The following SPATA31A6 variants were observed in gnomAD, a reference collection of about 807,000 sequenced individuals.
The protein encoded by SPATA31A6 is spermatogenesis-associated protein 31A6.
In SPATA31A6, 9 loss-of-function variants were observed where a neutral mutation model predicts 11.9. The ratio of observed to expected loss-of-function variants is 0.76; its 90% CI spans 0.46 to 1.32. The LOEUF is 1.32. Among genes scored for constraint, SPATA31A6 ranks in the 40% most tolerant of loss-of-function variants. The pLI, the probability that SPATA31A6 is intolerant of heterozygous loss-of-function variation, is 0.00. For missense variants in SPATA31A6, 855 were observed against 1,467.3 expected (o/e 0.58, Z 6.82); for synonymous variants, 314 against 572.1 (o/e 0.55, Z 6.44).
Position 42,186,436 on chromosome 9 carries a change from T to C in SPATA31A6, c.734T>C (p.Leu245Pro), listed in dbSNP as rs1292613126. Residue 245 changes from leucine (L) to proline (P), a missense_variant, in exon 4 of 4, where the codon CTT becomes CCT. Physicochemically the swap from Leu to Pro is moderately conservative, Grantham distance 98. Coordinates refer to ENST00000332857, the MANE Select transcript of SPATA31A6 (RefSeq NM_001145196.1). ...CCATCTCACTGTGACTCAGTGGCAC[T>C]TCCACTGGGCACCGTCCCTCAAAGC... ...ITPSHCDSVA[L>P]PLGTVPQSLS... The C allele has an allele frequency of 2.7e-6, 4 of 1,479,396 alleles. No individual in the cohort carries two copies. The East Asian group carries it at 7.2e-5, about 27-fold the overall frequency. The allele number at this position is 1,479,396 out of a possible 1,614,324, so 91.6% of individuals were successfully genotyped here.
At chr9:42,185,454 C>A in intron 2 of SPATA31A6, 1 of 674,380 alleles carries the variant, frequency 1.5e-6, no homozygotes, top group Non-Finnish European at 2.5e-6. Context: ...GTCCTTTCTC[C>A]CCACAGGGCA....
At chr9:42,183,947 C>A in intron 1 of SPATA31A6, 71 bp downstream of exon 1, 1 of 1,518,290 alleles carries the variant, frequency 6.6e-7, no homozygotes, top group Non-Finnish European at 8.8e-7. Flanking sequence ...TTCCACTTTT[C>A]CAAATCCAGT....
rs1829459121 is a variant in SPATA31A6, at chr9:42,186,688, G to T, written c.986G>T (p.Gly329Val). 1 of 1,531,168 alleles carries T rather than the reference G, an allele frequency of 6.5e-7. No homozygotes were observed. The highest frequency in any genetic ancestry group is 2.4e-5 in the East Asian group (1 of 42,114). The allele number at this position is 1,531,168 out of a possible 1,614,324, so 94.8% of individuals were successfully genotyped here. The change falls in exon 4 of 4, where the codon GGG becomes GTG. Residue 329 changes from glycine (G) to valine (V), a missense_variant. Physicochemically the swap from Gly to Val is moderately radical, Grantham distance 109. Transcript: ENST00000332857. ...LLSSDGQNVV[G>V]IQVTETAKVN... ...AGCTCTGATGGCCAGAATGTCGTGG[G>T]GATACAAGTCACAGAAACAGCCAAG...
intron 1 of SPATA31A6, among the ~76,000 whole-genome samples, chr9:42,184,439 C>CTGTGTG (rs71364261): frequency 0.015 from 1,553 of 102,036 alleles, 152 homozygotes; most frequent in African/African-American, 0.047. Context: ...GAAAATCCCT[C>CTGTGTG]TGTGTGTGTG....
In SPATA31A6 at chr9:42,189,570, G is replaced by A; in HGVS notation, c.3868G>A (p.Val1290Met). 6.4e-7 allele frequency: 1 copy of A among 1,553,250 alleles called. No individual in the cohort carries two copies. Among genetic ancestry groups the A allele is most frequent in the Non-Finnish European group, 8.7e-7 (1 of 1,150,530 alleles). The change falls in exon 4 of 4, where the codon GTG becomes ATG. Residue 1290 changes from valine to methionine, a missense_variant. Transcript: ENST00000332857. Reference protein sequence around the residue: ...QIRNQQPLKSVRCNNEQWGLR... With the variant: ...QIRNQQPLKSMRCNNEQWGLR... ...CAGAAATCAACAGCCCTTGAAAAGT[G>A]TGCGGTGCAACAATGAGCAATGGGG...
Position 42,189,557 on chromosome 9 carries a change from G to T in SPATA31A6, c.3855G>T (p.Gln1285His), listed in dbSNP as rs1829533496. The part of the protein sequence containing the change: ...PNRDRQIRNQ[Q>H]PLKSVRCNNE... Reference sequence around the variant, plus strand: ...GAGACAGGCAAATCAGAAATCAACAGCCCTTGAAAAGTGTGCGGTGCAACA... The same window carrying T: ...GAGACAGGCAAATCAGAAATCAACATCCCTTGAAAAGTGTGCGGTGCAACA... The change falls in exon 4 of 4, where the codon CAG becomes CAT. Residue 1285 changes from glutamine (Q) to histidine (H), a missense_variant. Transcript: ENST00000332857. 6.5e-7 allele frequency: 1 copy of T among 1,546,716 alleles called. No individual in the cohort carries two copies.
At chr9:42,185,803 T>C (rs182116271) in intron 3 of SPATA31A6, 48 bp downstream of exon 3, 18,016 of 1,107,240 alleles carry the variant, frequency 0.016, 6,330 homozygotes, top group Non-Finnish European at 0.018. Flanking sequence ...GGCTGGGACA[T>C]GACCCAAGGG....
rs768745711 is a variant in SPATA31A6 at position 42,185,697 on chromosome 9, G to A, written c.250G>A (p.Gly84Ser). 1.4e-6 allele frequency: 2 copies of A among 1,449,010 alleles called. 1 individual carries two copies. Among genetic ancestry groups the A allele is most frequent in the Admixed American group, 3.7e-5 (2 of 54,116 alleles). 89.8% of individuals were successfully genotyped at this position (1,449,010 alleles called of 1,614,324 possible). Residue 84 changes from glycine to serine, a missense_variant and splice_region_variant, in exon 3 of 4, where the codon GGT (glycine) becomes AGT (serine). Physicochemically the swap from Gly to Ser is moderately conservative, Grantham distance 56 (BLOSUM62 0). Transcript: ENST00000332857. ...TAACCCAGTCTCCTGATTTCCAGCT[G>A]GTAGAGAGTGCCCGAGAGGCCTGGA... ...GRMKNHSLRA[G>S]RECPRGLEET...
intron 1 of SPATA31A6, among the ~76,000 whole-genome samples, chr9:42,184,151 C>G (rs541492160): frequency 7.2e-6 from 1 of 137,954 alleles, no homozygotes; most frequent in Non-Finnish European, 1.5e-5. Context: ...CAGTACCAGT[C>G]ATGAGACTGG....
In SPATA31A6 at chr9:42,186,907, G is replaced by A; in HGVS notation, c.1205G>A (p.Arg402Lys). 6.5e-7 allele frequency: 1 copy of A among 1,539,348 alleles called. No individual in the cohort carries two copies. Among genetic ancestry groups the A allele is most frequent in the Non-Finnish European group, 8.8e-7 (1 of 1,142,414 alleles). Reference sequence around the variant, plus strand: ...GGACCTCAGAAGTGCTCAGATCCTAGGCTCTTGCAGGAAAGTTTTTGGAAG... The same window carrying A: ...GGACCTCAGAAGTGCTCAGATCCTAAGCTCTTGCAGGAAAGTTTTTGGAAG... Reference protein sequence around the residue: ...LPGPQKCSDPRLLQESFWKNY... With the variant: ...LPGPQKCSDPKLLQESFWKNY... The change falls in exon 4 of 4, where the codon AGG (arginine) becomes AAG (lysine). Residue 402 changes from arginine to lysine, a missense_variant. Coordinates refer to ENST00000332857, the MANE Select transcript of SPATA31A6 (RefSeq NM_001145196.1).
At position 42,186,674 on chromosome 9, in the gene SPATA31A6, C is replaced by T. The variant is rs745863385; in HGVS notation, c.972C>T (p.Gly324=). ...AGSLFLLSSD[G]QNVVGIQVTE... is the part of the protein sequence containing the mutation. ...GCCTGTTTTTGCTCAGCTCTGATGG[C>T]CAGAATGTCGTGGGGATACAAGTCA... is the stretch of plus-strand genomic sequence containing the variant. The change falls in exon 4 of 4, where the codon GGC becomes GGT. Residue 324 remains glycine (G), a synonymous_variant. Coordinates refer to ENST00000332857, the MANE Select transcript of SPATA31A6 (RefSeq NM_001145196.1). The T allele has an allele frequency of 2.0e-5, 30 of 1,531,772 alleles. 4 individuals carry two copies. Among genetic ancestry groups the T allele is most frequent in the South Asian group, 4.6e-5 (4 of 87,376 alleles). The allele number at this position is 1,531,772 out of a possible 1,614,324, so 94.9% of individuals were successfully genotyped here.
rs1374473752 is a variant in SPATA31A6, at chr9:42,185,460, G to T, written c.248-235G>T. 3 of 696,150 alleles carry T rather than the reference G, an allele frequency of 4.3e-6. No individual in the cohort carries two copies. In the Admixed American group the frequency reaches 8.0e-5, roughly 18 times the overall value. 43.1% of individuals were successfully genotyped at this position (696,150 alleles called of 1,614,324 possible). Reference sequence around the variant, plus strand: ...ACCACCTCAGTCCTTTCTCCCCACAGGGCAGTTGTGAGGACTGTGGGGGTG... The same window carrying T: ...ACCACCTCAGTCCTTTCTCCCCACATGGCAGTTGTGAGGACTGTGGGGGTG... On this transcript the variant is annotated intron_variant, in intron 2 of 3. Coordinates refer to ENST00000332857, the MANE Select transcript of SPATA31A6 (RefSeq NM_001145196.1).
chr9:42,188,951 G>T lies in SPATA31A6; in HGVS notation c.3249G>T (p.Glu1083Asp). Residue 1083 changes from glutamate to aspartate, a missense_variant, in exon 4 of 4, where the codon GAG becomes GAT. Transcript: ENST00000332857. ...GAAGGAGCAAACTGGTGCAAGAGGA[G>T]CCCAGAAACCCAAACTGTCAAGGCT... The part of the protein sequence containing the change: ...AARRSKLVQE[E>D]PRNPNCQGSC... The T allele has an allele frequency of 6.5e-7, 1 of 1,542,436 alleles. No homozygotes were observed. The highest frequency in any genetic ancestry group is 2.4e-5 in the East Asian group (1 of 42,052).
At chr9:42,184,882 G>C in intron 1 of SPATA31A6, 187 bp from the exon 2 acceptor site, 1 of 753,982 alleles carries the variant, frequency 1.3e-6, no homozygotes, top group Non-Finnish European at 1.6e-6. Flanking sequence ...TTAAACATGA[G>C]TGGGAGGAAG....
At position 42,187,259 on chromosome 9, in the gene SPATA31A6, A is replaced by G; in HGVS notation, c.1557A>G (p.Val519=). Residue 519 remains valine, a synonymous_variant, in exon 4 of 4, where the codon GTA becomes GTG. Coordinates refer to ENST00000332857, the MANE Select transcript of SPATA31A6 (RefSeq NM_001145196.1). ...CATCCCTGATTAAGAACACTGGAGT[A>G]GCTTGCCCTGCATCGCAGAATAAAG... The part of the protein sequence containing the change: ...AFPSLIKNTG[V]ACPASQNKVQ... The G allele has an allele frequency of 4.5e-6, 7 of 1,542,498 alleles. 2 individuals are homozygous for G. The Admixed American group carries it at 7.0e-5, about 15-fold the overall frequency.
rs747539366 is a variant in SPATA31A6 at position 42,187,084 on chromosome 9, C to T, written c.1382C>T (p.Thr461Ile). ...SNVCPIQRET[T>I]MSPLLFQAQP... is the part of the protein sequence containing the mutation. ...GTCTGCCCAATTCAAAGGGAGACTA[C>T]AATGTCCCCACTGCTTTTCCAGGCC... Residue 461 changes from threonine to isoleucine, a missense_variant, in exon 4 of 4, where the codon ACA becomes ATA. Physicochemically the swap from Thr to Ile is moderately conservative, Grantham distance 89. Coordinates refer to ENST00000332857, the MANE Select transcript of SPATA31A6 (RefSeq NM_001145196.1). 2.3e-5 allele frequency: 36 copies of T among 1,544,006 alleles called. 6 individuals are homozygous for T.
At position 42,187,176 on chromosome 9, in the gene SPATA31A6, C is replaced by T. The variant is rs200748442; in HGVS notation, c.1474C>T (p.Gln492Ter). The T allele has an allele frequency of 6.5e-7, 1 of 1,543,146 alleles. No homozygotes were observed. The highest frequency in any genetic ancestry group is 1.5e-5 in the African/African-American group (1 of 65,512). ...CCAATTCCTGCCCACACCTATGGCT[C>T]AGGCCGAGGCTCAGGCCCATCTTCA... Reference protein sequence around the residue: ...TPQFLPTPMAQAEAQAHLQSS... With the variant: ...TPQFLPTPMA The change falls in exon 4 of 4, where the codon CAG becomes TAG. Residue 492 changes from glutamine to a stop codon, truncating the protein, a stop_gained. Transcript: ENST00000332857. LOFTEE classifies it low-confidence loss of function (END_TRUNC).
At chr9:42,185,369 G>T (rs1485239261) in intron 2 of SPATA31A6, 2 of 673,104 alleles carry the variant, frequency 3.0e-6, no homozygotes. Flanking sequence ...TGCGGAGGGG[G>T]GTGAGGGGGC....
chr9:42,184,743 G>A (rs1829414203), intron 1 of SPATA31A6, among the ~76,000 whole-genome samples: 1 of 135,848 alleles, frequency 7.4e-6, no homozygotes. Context: ...GGCCAGGCTG[G>A]TCTCAAACTC....
Sources: allele counts gnomAD v4.1 joint callset (sites outside exome capture counted in the v4.1 genomes callset), GRCh38; gene constraint gnomAD v4.1.1; transcripts MANE v1.5; gene names NCBI Gene and HGNC (gene_info 2026-07-23, HGNC 2026-07-21).